The following CPNE4 variants were observed in gnomAD, a reference collection of about 807,000 sequenced individuals.
CPNE4 encodes the protein copine-4.
Under a neutral mutation model 67.9 loss-of-function variants are expected in CPNE4, and 25 were observed. The observed-to-expected ratio is 0.37, with a 90% CI of 0.27 to 0.51. The LOEUF (loss-of-function observed/expected upper bound fraction) is 0.51, where lower values mean the gene tolerates loss of function less well. CPNE4 is among the 20% of genes least tolerant of loss of function. The pLI is 0.93. For synonymous variants in CPNE4, 242 were observed against 244.9 expected, an observed-to-expected ratio of 0.99 and a Z score of 0.11; for missense variants, 464 against 690.8, an observed-to-expected ratio of 0.67 and a Z score of 3.68.
chr3:132,039,351 G>A (rs897896490), upstream of CPNE4, among the ~76,000 whole-genome samples: 3 of 152,308 alleles, frequency 2.0e-5, no homozygotes, highest in South Asian at 6.2e-4. Flanking sequence ...GCCAAGGCAG[G>A]TTAAGCAGAA....
chr3:131,794,774 G>T (rs751331454), intron 2 of CPNE4, among the ~76,000 whole-genome samples: 1 of 152,146 alleles, frequency 6.6e-6, no homozygotes, highest in Non-Finnish European at 1.5e-5. Context: ...GGTAGTTGAG[G>T]CTTGAGTACT....
At chr3:131,950,542 T>C (rs1398814829) in intron 1 of CPNE4, among the ~76,000 whole-genome samples, 1 of 152,206 alleles carries the variant, frequency 6.6e-6, no homozygotes, top group Admixed American at 6.5e-5. Flanking sequence ...CATGTCAAGT[T>C]ACTCAAATTT....
intron 2 of CPNE4, among the ~76,000 whole-genome samples, chr3:131,859,172 G>C (rs1560480466): frequency 2.6e-5 from 4 of 152,168 alleles, no homozygotes; most frequent in Non-Finnish European, 5.9e-5. Flanking sequence ...ATGCACTGCA[G>C]TCTGTCCAAG....
chr3:131,936,547 T>G (rs574864456), intron 1 of CPNE4, among the ~76,000 whole-genome samples: 1 of 152,060 alleles, frequency 6.6e-6, no homozygotes, highest in South Asian at 2.1e-4. Flanking sequence ...TTCCTGTGCA[T>G]CACTAATTCA....
chr3:131,933,573 A>G (rs965631202), intron 1 of CPNE4, among the ~76,000 whole-genome samples: 18 of 152,310 alleles, frequency 1.2e-4, no homozygotes, highest in Admixed American at 9.2e-4. Context: ...AGATGTCTAC[A>G]TTCTTATATT....
At chr3:132,012,290 T>C (rs2073786205) in intron 1 of CPNE4, among the ~76,000 whole-genome samples, 1 of 150,082 alleles carries the variant, frequency 6.7e-6, no homozygotes, top group Admixed American at 6.7e-5. Context: ...TGCCTCAAAC[T>C]CCTGAGTAGC....
At chr3:131,672,256 A>G (rs34920846) in intron 6 of CPNE4, among the ~76,000 whole-genome samples, 30,795 of 152,030 alleles carry the variant, frequency 0.2, 3,950 homozygotes, top group South Asian at 0.29. Flanking sequence ...TTGCTTCCAA[A>G]TCTTAGCTAT....
At chr3:131,556,035 G>C (rs1936439304) in intron 11 of CPNE4, among the ~76,000 whole-genome samples, 1 of 151,988 alleles carries the variant, frequency 6.6e-6, no homozygotes, top group African/African-American at 2.4e-5. Flanking sequence ...CCACTAATTA[G>C]AGCTAGAGTT....
intron 1 of CPNE4, among the ~76,000 whole-genome samples, chr3:132,028,710 C>G (rs2074171026): frequency 6.6e-6 from 1 of 152,068 alleles, no homozygotes; most frequent in African/African-American, 2.4e-5. Flanking sequence ...TAGATCTGCA[C>G]TGTTTCAATA....
intron 7 of CPNE4, among the ~76,000 whole-genome samples, chr3:131,612,305 T>A (rs1274132266): frequency 6.6e-6 from 1 of 151,896 alleles, no homozygotes; most frequent in Non-Finnish European, 1.5e-5. Context: ...ATCCAGGAGG[T>A]GGAGGTTGCA....
intron 8 of CPNE4, among the ~76,000 whole-genome samples, chr3:131,586,814 CA>C (rs1431741570): frequency 6.6e-6 from 1 of 152,028 alleles, no homozygotes; most frequent in Non-Finnish European, 1.5e-5. Flanking sequence ...CTGAGGGAAA[CA>C]CAGAAGGGGT....
At chr3:131,622,431 T>C (rs1414455837) in intron 7 of CPNE4, among the ~76,000 whole-genome samples, 1 of 152,234 alleles carries the variant, frequency 6.6e-6, no homozygotes, top group Non-Finnish European at 1.5e-5. Context: ...AAACATATTG[T>C]GAATCCTATC....
intron 1 of CPNE4, among the ~76,000 whole-genome samples, chr3:132,005,374 T>C (rs202010740): frequency 8.1e-5 from 10 of 123,730 alleles, no homozygotes; most frequent in Admixed American, 2.4e-4. Flanking sequence ...CACACACACA[T>C]ATATGTTTAT....
In CPNE4 at chr3:131,533,695, A is replaced by G. The variant is rs2107616735; in HGVS notation, c.*1500T>C. 6.6e-6 allele frequency: 1 copy of G among 152,328 alleles called. No homozygotes were observed. Among genetic ancestry groups the G allele is most frequent in the East Asian group, 1.9e-4 (1 of 5,184 alleles). The allele number at this position is 152,328 out of a possible 1,614,324, so 9.4% of individuals were successfully genotyped here. A position where few individuals can be genotyped will look rare whatever the true frequency, so the allele number is the denominator to read the frequency against. ...GGTGACATGTATTTGCAAGATTAGG[A>G]TCTATAATTGTAACTGTGGAAATCA... is the stretch of plus-strand genomic sequence containing the variant. On this transcript the variant is annotated 3_prime_UTR_variant, in exon 16 of 16. Coordinates refer to ENST00000429747, the MANE Select transcript of CPNE4 (RefSeq NM_130808.3).
At chr3:131,831,523 A>G (rs541123248) in intron 2 of CPNE4, among the ~76,000 whole-genome samples, 46 of 152,338 alleles carry the variant, frequency 3.0e-4, no homozygotes, top group African/African-American at 1.1e-3. Context: ...AAAATTTATT[A>G]AATTCTAGCA....
At chr3:131,546,367 G>T (rs569390658) in intron 14 of CPNE4, among the ~76,000 whole-genome samples, 2 of 152,234 alleles carry the variant, frequency 1.3e-5, no homozygotes, top group East Asian at 1.9e-4. Flanking sequence ...ATATACTTGA[G>T]GTCCTGTTTA....
intron 2 of CPNE4, among the ~76,000 whole-genome samples, chr3:131,747,574 G>A (rs908801569): frequency 3.3e-5 from 5 of 151,860 alleles, no homozygotes; most frequent in African/African-American, 1.2e-4. Flanking sequence ...GTCTCACTAC[G>A]TTTCCCAGAC....
intron 7 of CPNE4, among the ~76,000 whole-genome samples, chr3:131,644,645 C>T (rs1560037699): frequency 6.6e-6 from 1 of 152,142 alleles, no homozygotes; most frequent in Non-Finnish European, 1.5e-5. Flanking sequence ...GAAAAGATCA[C>T]AGAATTAGGA....
At position 131,612,950 on chromosome 3, in the gene CPNE4, G is replaced by A. The variant is rs144327647; in HGVS notation, c.682-25368C>T. On this transcript the variant is annotated intron_variant, in intron 7 of 15. Transcript: ENST00000429747. ...ATGCTGCAGAACTGCAAGCCCTGAA[G>A]AGGAAGTCGTATCTTGTAAACAAGA... Among the ~76,000 whole-genome samples the A allele has an allele frequency of 2.1e-3, 318 of 152,318 alleles. 4 individuals carry two copies. Among genetic ancestry groups the A allele is most frequent in the Admixed American group, 0.019 (297 of 15,302 alleles).
Sources: gnomAD v4.1 joint callset for allele counts (sites outside exome capture counted in the v4.1 genomes callset) on GRCh38, gnomAD v4.1.1 for gene constraint, MANE v1.5 for transcripts, NCBI Gene and HGNC (gene_info 2026-07-23, HGNC 2026-07-21) for gene names.